ARHGEF10: variants seen among roughly 807,000 people sequenced by gnomAD.
ARHGEF10 encodes Rho guanine nucleotide exchange factor (GEF) 10.
ARHGEF10 carries 140 observed loss-of-function variants against 147.4 expected under a neutral mutation model. That is an observed-to-expected ratio of 0.95 (90% confidence interval 0.83 to 1.09). ARHGEF10 has a LOEUF of 1.09. Among genes scored for constraint, ARHGEF10 ranks in the 50% least tolerant of loss-of-function variants. ARHGEF10 has a pLI of 0.00. For synonymous variants in ARHGEF10, 902 were observed against 695.8 expected, an observed-to-expected ratio of 1.30 and a Z score of -4.67; for missense variants, 2,222 against 1,752.7, an observed-to-expected ratio of 1.27 and a Z score of -4.78.
chr8:1,925,344 G>T lies in ARHGEF10; in HGVS notation c.2550G>T (p.Glu850Asp). The T allele has an allele frequency of 3.7e-6, 6 of 1,614,182 alleles. No individual in the cohort carries two copies. The highest frequency in any genetic ancestry group is 5.1e-6 in the Non-Finnish European group (6 of 1,180,022). ...VEDDGNHIKK[E>D]KHPLLVGHMP... ...ACGATGGGAATCACATTAAAAAGGA[G>T]AAGCATCCTCTCCTCGTCGGACACA... The change falls in exon 22 of 29, where the codon GAG (glutamate) becomes GAT (aspartate). Residue 850 changes from glutamate (E) to aspartate (D), a missense_variant. Glu to Asp is a conservative substitution (Grantham distance 45). Transcript: ENST00000349830.
chr8:1,914,165 C>G (rs1401732538), intron 18 of ARHGEF10, among the ~76,000 whole-genome samples: 1 of 152,262 alleles, frequency 6.6e-6, no homozygotes, highest in African/African-American at 2.4e-5. Flanking sequence ...GAAGCTTGAA[C>G]AGCTGAATAT....
chr8:1,823,901 G>A (rs1193357436), upstream of ARHGEF10: 3 of 151,868 alleles, frequency 2.0e-5, no homozygotes, highest in East Asian at 5.9e-4. Context: ...ACAGCATGGT[G>A]GGTGGAGCAG....
intron 26 of ARHGEF10, among the ~76,000 whole-genome samples, chr8:1,944,407 A>T (rs1278458382): frequency 3.9e-5 from 6 of 152,152 alleles, no homozygotes. Context: ...ATGCCATGGG[A>T]GAAGGGATCT....
Position 1,858,049 on chromosome 8 carries a change from G to C in ARHGEF10, c.127G>C (p.Asp43His), listed in dbSNP as rs550467895. The C allele has an allele frequency of 1.2e-6, 2 of 1,614,156 alleles. No individual in the cohort carries two copies. Among genetic ancestry groups the C allele is most frequent in the East Asian group, 2.2e-5 (1 of 44,886 alleles). Residue 43 changes from aspartate to histidine, a missense_variant, in exon 3 of 29, where the codon GAC (aspartate) becomes CAC (histidine). Physicochemically the swap from Asp to His is moderately conservative, Grantham distance 81. Transcript: ENST00000349830. Reference sequence around the variant, plus strand: ...CAGTGGAGATGAAATCCCAGAAGCGGACAGACAGGCCCCATCCGCCCCTGA... The same window carrying C: ...CAGTGGAGATGAAATCCCAGAAGCGCACAGACAGGCCCCATCCGCCCCTGA... The part of the protein sequence containing the change: ...FDSGDEIPEA[D>H]RQAPSAPETG...
At chr8:1,883,395 T>C (rs3758002) in intron 10 of ARHGEF10, among the ~76,000 whole-genome samples, 35,225 of 151,952 alleles carry the variant, frequency 0.23, 4,688 homozygotes, top group East Asian at 0.42. Context: ...CAGGGGTCGC[T>C]GTGACTCTGA....
rs781053332 is a variant in ARHGEF10, at chr8:1,956,784, C to A, written c.3556C>A (p.Pro1186Thr). 1.2e-6 allele frequency: 2 copies of A among 1,614,010 alleles called. No individual in the cohort carries two copies. The highest frequency in any genetic ancestry group is 1.7e-6 in the Non-Finnish European group (2 of 1,180,044). ...GMVSYHAHNS[P>T]VKFIVLATAL... is the part of the protein sequence containing the mutation. ...GGTCTCCTACCATGCACACAACAGTCCTGTCAAATTCATCGTCCTGGCCAC... is the reference window on the plus strand; with the variant it reads ...GGTCTCCTACCATGCACACAACAGTACTGTCAAATTCATCGTCCTGGCCAC... Residue 1186 changes from proline (P) to threonine (T), a missense_variant, in exon 29 of 29, where the codon CCT (proline) becomes ACT (threonine). Coordinates refer to ENST00000349830, the MANE Select transcript of ARHGEF10 (RefSeq NM_014629.4).
intron 13 of ARHGEF10, 21 bp downstream of exon 13, chr8:1,894,593 G>C (rs1809821205): frequency 6.2e-7 from 1 of 1,611,600 alleles, no homozygotes; most frequent in Non-Finnish European, 8.5e-7. Flanking sequence ...TGGGACACCT[G>C]GATGTCCATG....
chr8:1,899,172 G>A (rs7003812), intron 15 of ARHGEF10, among the ~76,000 whole-genome samples: 2,468 of 152,260 alleles, frequency 0.016, 67 homozygotes, highest in African/African-American at 0.055. Flanking sequence ...TCTAGGTCAC[G>A]TCTGATGCAG....
At chr8:1,827,343 T>C (rs1198315108) in intron 1 of ARHGEF10, among the ~76,000 whole-genome samples, 1 of 152,182 alleles carries the variant, frequency 6.6e-6, no homozygotes, top group Non-Finnish European at 1.5e-5. Flanking sequence ...GGAGTATCAC[T>C]CTGTTGCCCA....
At chr8:1,845,879 C>T (rs1804520461) in intron 2 of ARHGEF10, among the ~76,000 whole-genome samples, 1 of 152,180 alleles carries the variant, frequency 6.6e-6, no homozygotes, top group Admixed American at 6.5e-5. Context: ...TGGGGGTGCC[C>T]AGGGTTCCCT....
At position 1,878,922 on chromosome 8, in the gene ARHGEF10, C is replaced by T. The variant is rs139330144; in HGVS notation, c.844-1126C>T. Among the ~76,000 whole-genome samples, 117 of 152,288 alleles carry T rather than the reference C, an allele frequency of 7.7e-4. 2 individuals are homozygous for T. The South Asian group carries it at 0.02, about 26-fold the overall frequency. On this transcript the variant is annotated intron_variant, in intron 8 of 28. Transcript: ENST00000349830. ...CTCTGCATTTCCAGCCTCTCCTACA[C>T]GTCCATGTTGCCAGGACAGTGGCCT...
intron 12 of ARHGEF10, among the ~76,000 whole-genome samples, chr8:1,894,039 C>T (rs1040471828): frequency 1.2e-4 from 18 of 151,508 alleles, no homozygotes; most frequent in African/African-American, 3.4e-4. Flanking sequence ...CCGGGTGTGG[C>T]GGTATGTGCC....
intron 18 of ARHGEF10, among the ~76,000 whole-genome samples, chr8:1,916,164 A>G (rs1397216160): frequency 6.6e-6 from 1 of 152,174 alleles, no homozygotes; most frequent in Non-Finnish European, 1.5e-5. Flanking sequence ...AAAGGTGCAC[A>G]CGCAGGACGG....
intron 4 of ARHGEF10, among the ~76,000 whole-genome samples, chr8:1,862,108 C>G (rs1023100870): frequency 2.6e-5 from 4 of 152,210 alleles, no homozygotes; most frequent in Non-Finnish European, 5.9e-5. Context: ...GAACGCAGAC[C>G]TCCTTCCTGG....
chr8:1,839,199 ACTGTTTT>A, intron 1 of ARHGEF10, among the ~76,000 whole-genome samples: 1 of 86,218 alleles, frequency 1.2e-5, no homozygotes, highest in African/African-American at 5.2e-5. Flanking sequence ...TGATGTGGGG[ACTGTTTT>A]GTGTGGGGAC....
chr8:1,837,689 T>A (rs1803670494), intron 1 of ARHGEF10, among the ~76,000 whole-genome samples: 1 of 152,028 alleles, frequency 6.6e-6, no homozygotes, highest in Non-Finnish European at 1.5e-5. Context: ...AGAGTGTGCT[T>A]CTGGCCCTGC....
chr8:1,956,429 T>A (rs1815570752), intron 28 of ARHGEF10, among the ~76,000 whole-genome samples: 1 of 152,198 alleles, frequency 6.6e-6, no homozygotes, highest in African/African-American at 2.4e-5. Context: ...AAGAAGGTAT[T>A]TTATGCAGAA....
At position 1,952,844 on chromosome 8, in the gene ARHGEF10, G is replaced by A. The variant is rs753918605; in HGVS notation, c.3520+17G>A. The A allele has an allele frequency of 3.7e-6, 6 of 1,613,720 alleles. No individual in the cohort carries two copies. The highest frequency in any genetic ancestry group is 5.1e-6 in the Non-Finnish European group (6 of 1,180,042). ...AAGTGACCGGTGAGTGGCACCTGCAGTCTGAGTGGCTGCATCCTGTCTTGC... is the reference window on the plus strand; with the variant it reads ...AAGTGACCGGTGAGTGGCACCTGCAATCTGAGTGGCTGCATCCTGTCTTGC... On this transcript the variant is annotated intron_variant, in intron 28 of 28. Transcript: ENST00000349830.
At chr8:1,893,782 T>G in intron 12 of ARHGEF10, 136 bp downstream of exon 12, 1 of 687,180 alleles carries the variant, frequency 1.5e-6, no homozygotes, top group Non-Finnish European at 2.6e-6. Context: ...CAAAAGGATC[T>G]AAGTATTATG....
Sources: gnomAD v4.1 joint callset for allele counts (sites outside exome capture counted in the v4.1 genomes callset) on GRCh38, gnomAD v4.1.1 for gene constraint, MANE v1.5 for transcripts, NCBI Gene and HGNC (gene_info 2026-07-23, HGNC 2026-07-21) for gene names.